The following PRDM16 variants were observed in gnomAD, a reference collection of about 807,000 sequenced individuals.
PRDM16 encodes the protein PR/SET domain 16.
In PRDM16, 23 loss-of-function variants were observed where a neutral mutation model predicts 110.6. The ratio of observed to expected loss-of-function variants is 0.21; its 90% CI spans 0.15 to 0.29. The LOEUF (loss-of-function observed/expected upper bound fraction) is 0.29. PRDM16 is among the 10% of genes least tolerant of loss of function. The pLI is 1.00. For missense variants in PRDM16, 1,615 were observed against 1,794.3 expected (o/e 0.90, Z 1.81); for synonymous variants, 799 against 781.8 (o/e 1.02, Z -0.37).
rs116109714 is a variant in PRDM16, at chr1:3,285,006, G to A, written c.438+40869G>A. 6.1e-3 allele frequency among the ~76,000 whole-genome samples: 936 copies of A among 152,294 alleles called. 14 individuals carry two copies. The highest frequency in any genetic ancestry group is 0.021 in the African/African-American group (878 of 41,562). On this transcript the variant is annotated intron_variant, in intron 3 of 16. Transcript: ENST00000270722. ...GAGGCGAATGTTGGTAGGTTTCTCT[G>A]GCCGGTATAGCCCTTGAGCATGGAA... is the stretch of plus-strand genomic sequence containing the variant.
intron 1 of PRDM16, among the ~76,000 whole-genome samples, chr1:3,161,826 C>T (rs142293337): frequency 1.6e-4 from 24 of 152,354 alleles, no homozygotes; most frequent in African/African-American, 5.8e-4. Flanking sequence ...ATCTGGTGCG[C>T]CTGTCTCCAT....
At chr1:3,332,899 G>A (rs72632188) in intron 3 of PRDM16, among the ~76,000 whole-genome samples, 18,795 of 152,140 alleles carry the variant, frequency 0.12, 2,522 homozygotes, top group African/African-American at 0.34. Flanking sequence ...CTCTCACTAC[G>A]CATCTGTGTT....
Position 3,338,518 on chromosome 1 carries a change from C to G in PRDM16, c.439-46634C>G, listed in dbSNP as rs1110215. 5.3e-5 allele frequency among the ~76,000 whole-genome samples: 8 copies of G among 152,316 alleles called. 1 individual carries two copies. In the East Asian group the frequency reaches 1.6e-3, roughly 30 times the overall value. ...TCAGAGGCTCCTTTCCAAGTGGGGA[C>G]GGGGTGCCCGGGGAAAGCCGCCTCT... On this transcript the variant is annotated intron_variant, in intron 3 of 16. Coordinates refer to ENST00000270722, the MANE Select transcript of PRDM16 (RefSeq NM_022114.4).
At position 3,175,860 on chromosome 1, in the gene PRDM16, C is replaced by T. The variant is rs942175625; in HGVS notation, c.38-10265C>T. 3.3e-5 allele frequency among the ~76,000 whole-genome samples: 5 copies of T among 152,168 alleles called. No homozygotes were observed. The highest frequency in any genetic ancestry group is 4.8e-5 in the African/African-American group (2 of 41,424). ...CCAGGGTTGTGTTAATGGAGCTTCACGGCTAGGGAAGGAAAGTCAGAAGTG... is the reference window on the plus strand; with the variant it reads ...CCAGGGTTGTGTTAATGGAGCTTCATGGCTAGGGAAGGAAAGTCAGAAGTG... On this transcript the variant is annotated intron_variant, in intron 1 of 16. Transcript: ENST00000270722. This position sits in a 1 kb window ranked among gnomAD's most constrained non-coding sequence, Gnocchi z 4.8.
intron 1 of PRDM16, among the ~76,000 whole-genome samples, chr1:3,125,521 C>T (rs917270908): frequency 2.0e-5 from 3 of 152,266 alleles, no homozygotes; most frequent in Admixed American, 1.3e-4. Flanking sequence ...GCGGGACACA[C>T]GCTCTGAAGC....
chr1:3,224,922 G>T (rs1639251721), intron 2 of PRDM16, among the ~76,000 whole-genome samples: 1 of 152,202 alleles, frequency 6.6e-6, no homozygotes, highest in South Asian at 2.1e-4. Context: ...AGCATCTCAG[G>T]GACTCTGGCG....
At chr1:3,105,998 G>A (rs949848913) in intron 1 of PRDM16, among the ~76,000 whole-genome samples, 1 of 151,224 alleles carries the variant, frequency 6.6e-6, no homozygotes, top group African/African-American at 2.5e-5. Flanking sequence ...TGAAAGCTCT[G>A]CCCTGTCCTC....
At chr1:3,419,232 C>G (rs1638360269) in intron 12 of PRDM16, among the ~76,000 whole-genome samples, 1 of 152,236 alleles carries the variant, frequency 6.6e-6, no homozygotes, top group Non-Finnish European at 1.5e-5. Context: ...TCCCCACCCC[C>G]CACTTGGAGC....
At chr1:3,380,778 A>T (rs543474911) in intron 3 of PRDM16, among the ~76,000 whole-genome samples, 1 of 152,344 alleles carries the variant, frequency 6.6e-6, no homozygotes, top group South Asian at 2.1e-4. Flanking sequence ...TGAGGGGGGC[A>T]TTACAAGAAG....
chr1:3,273,602 G>A (rs746367136), intron 3 of PRDM16, among the ~76,000 whole-genome samples: 1 of 152,106 alleles, frequency 6.6e-6, no homozygotes, highest in Non-Finnish European at 1.5e-5. Context: ...AGGTGTGTGT[G>A]TATGTACGGG....
intron 2 of PRDM16, among the ~76,000 whole-genome samples, chr1:3,192,777 A>G (rs1324097588): frequency 6.6e-6 from 1 of 152,162 alleles, no homozygotes; most frequent in Admixed American, 6.5e-5. Flanking sequence ...ATGAGCAAAC[A>G]GGAAACCAAG....
At chr1:3,310,935 TGC>T (rs943381223) in intron 3 of PRDM16, among the ~76,000 whole-genome samples, 27 of 151,914 alleles carry the variant, frequency 1.8e-4, no homozygotes, top group African/African-American at 5.8e-4. Context: ...CATGTGAGTG[TGC>T]GTGTGTGTCT....
chr1:3,259,581 C>T (rs1227196470), intron 3 of PRDM16, among the ~76,000 whole-genome samples: 8 of 152,214 alleles, frequency 5.3e-5, no homozygotes, highest in Non-Finnish European at 1.2e-4. Flanking sequence ...AGCGGCAAAT[C>T]AGGCCCCCCC....
rs1047036713 is a variant in PRDM16 at position 3,183,944 on chromosome 1, G to A, written c.38-2181G>A. ...TTCGGCCTCCAACCCGACTTTGTTTGCGAGCTCCGTGCAGTTACCAGTTCC... is the reference window on the plus strand; with the variant it reads ...TTCGGCCTCCAACCCGACTTTGTTTACGAGCTCCGTGCAGTTACCAGTTCC... On this transcript the variant is annotated intron_variant, in intron 1 of 16. Transcript: ENST00000270722. Among the ~76,000 whole-genome samples the A allele has an allele frequency of 4.6e-5, 7 of 152,170 alleles. No homozygotes were observed. In the South Asian group the frequency reaches 1.4e-3, roughly 31 times the overall value.
chr1:3,303,038 A>T (rs915439449), intron 3 of PRDM16, among the ~76,000 whole-genome samples: 2 of 152,188 alleles, frequency 1.3e-5, no homozygotes, highest in African/African-American at 4.8e-5. Context: ...TGATATATAC[A>T]CTTATATATA....
intron 1 of PRDM16, among the ~76,000 whole-genome samples, chr1:3,091,867 C>T (rs1056774960): frequency 6.6e-6 from 1 of 152,232 alleles, no homozygotes; most frequent in African/African-American, 2.4e-5. Context: ...CAGAGGGCCT[C>T]CCTCTAACGG....
Position 3,076,165 on chromosome 1 carries a change from C to T in PRDM16, c.37+6869C>T, listed in dbSNP as rs577719615. Among the ~76,000 whole-genome samples the T allele has an allele frequency of 2.8e-3, 424 of 152,316 alleles. 1 individual carries two copies. Among genetic ancestry groups the T allele is most frequent in the Non-Finnish European group, 4.4e-3 (299 of 68,030 alleles). On this transcript the variant is annotated intron_variant, in intron 1 of 16. Coordinates refer to ENST00000270722, the MANE Select transcript of PRDM16 (RefSeq NM_022114.4). ...CCCAGCACACTGTGCAGCTCCAGCC[C>T]GTGCTCTGTCAAGCGTGGGTGTGTG...
chr1:3,313,270 G>A (rs896910423), intron 3 of PRDM16, among the ~76,000 whole-genome samples: 11 of 152,236 alleles, frequency 7.2e-5, no homozygotes, highest in South Asian at 2.1e-4. Flanking sequence ...ATGAAATGCC[G>A]CGGAGCTGGA....
rs898240844 is a variant in PRDM16, at chr1:3,209,511, T to C, written c.387+23037T>C. Among the ~76,000 whole-genome samples, 1 of 152,148 alleles carries C rather than the reference T, an allele frequency of 6.6e-6. No individual in the cohort carries two copies. Among genetic ancestry groups the C allele is most frequent in the Non-Finnish European group, 1.5e-5 (1 of 68,012 alleles). On this transcript the variant is annotated intron_variant, in intron 2 of 16. Transcript: ENST00000270722. The surrounding 1 kb of genome is among the most constrained non-coding windows in gnomAD (Gnocchi z 4.6). ...CAGGAGGCCAGGCCTGGGTGTGGAA[T>C]AGGCCTCGCTGGGAGGCCGTGGTTC... is the stretch of plus-strand genomic sequence containing the variant.
Sources: gnomAD v4.1 joint callset for allele counts (sites outside exome capture counted in the v4.1 genomes callset) on GRCh38, gnomAD v4.1.1 for gene constraint, Gnocchi (gnomAD v3.1) non-coding constraint, MANE v1.5 for transcripts, NCBI Gene and HGNC (gene_info 2026-07-23, HGNC 2026-07-21) for gene names.